The following MAF variants were observed in gnomAD, a reference collection of about 807,000 sequenced individuals.
MAF encodes transcription factor Maf.
MAF carries 10 observed loss-of-function variants against 22.0 expected under a neutral mutation model. The observed-to-expected ratio is 0.45, with a 90% CI of 0.28 to 0.77. MAF has a LOEUF of 0.77. Among genes scored for constraint, MAF ranks in the 30% least tolerant of loss-of-function variants. MAF has a pLI of 0.12. For missense variants in MAF, 544 were observed against 548.4 expected (o/e 0.99, Z 0.08); for synonymous variants, 337 against 255.8 (o/e 1.32, Z -3.03).
At chr16:79,517,606 G>A in the MAF span, among the ~76,000 whole-genome samples, 14 of 121,220 alleles carry the variant, frequency 1.2e-4, no homozygotes, top group Non-Finnish European at 9.5e-5. Flanking sequence ...ATGGAGTCTC[G>A]CTCTATTACC....
the MAF span, among the ~76,000 whole-genome samples, chr16:79,214,270 T>C: frequency 1.3e-5 from 2 of 152,216 alleles, no homozygotes; most frequent in Non-Finnish European, 2.9e-5. Context: ...TCTTCACAAC[T>C]TGGCCACAGT....
chr16:79,488,952 C>T, the MAF span, among the ~76,000 whole-genome samples: 1 of 152,304 alleles, frequency 6.6e-6, no homozygotes, highest in African/African-American at 2.4e-5. Context: ...TTTCTACTGC[C>T]CTGTTGGCCT....
chr16:79,519,724 G>A, the MAF span, among the ~76,000 whole-genome samples: 1 of 152,212 alleles, frequency 6.6e-6, no homozygotes, highest in Admixed American at 6.5e-5. Flanking sequence ...TAATTGTACT[G>A]GTTTGCACTT....
the MAF span, among the ~76,000 whole-genome samples, chr16:79,443,385 G>C: frequency 6.6e-6 from 1 of 152,074 alleles, no homozygotes; most frequent in African/African-American, 2.4e-5. Flanking sequence ...ATCACCTCCA[G>C]GCCATATCTG....
chr16:79,307,645 A>G, the MAF span, among the ~76,000 whole-genome samples: 1 of 152,236 alleles, frequency 6.6e-6, no homozygotes, highest in Non-Finnish European at 1.5e-5. Flanking sequence ...TTAAACAGAA[A>G]AAAATATATA....
the MAF span, among the ~76,000 whole-genome samples, chr16:79,376,324 C>A: frequency 6.6e-6 from 1 of 151,878 alleles, no homozygotes; most frequent in African/African-American, 2.4e-5. Flanking sequence ...CTTTGCTTTT[C>A]TTCAATCTTC....
At chr16:79,533,141 A>T in the MAF span, among the ~76,000 whole-genome samples, 1 of 152,218 alleles carries the variant, frequency 6.6e-6, no homozygotes, top group Admixed American at 6.5e-5. Context: ...GTTAGTCTGT[A>T]GCCATGGATC....
At chr16:79,289,077 C>G in the MAF span, among the ~76,000 whole-genome samples, 1 of 152,212 alleles carries the variant, frequency 6.6e-6, no homozygotes, top group East Asian at 1.9e-4. Context: ...CTGCTGAGAT[C>G]TCTAAGTGGT....
chr16:79,212,438 TTAGAGA>T, the MAF span: 1 of 286,452 alleles, frequency 3.5e-6, no homozygotes, highest in Non-Finnish European at 6.6e-6. Flanking sequence ...AAAAAATTCT[TTAGAGA>T]TTATAACAAA....
chr16:79,400,646 T>G, the MAF span, among the ~76,000 whole-genome samples: 2 of 152,230 alleles, frequency 1.3e-5, no homozygotes, highest in Non-Finnish European at 2.9e-5. Context: ...AAGCATCTCC[T>G]GATTGGGATC....
the MAF span, chr16:79,212,115 A>T: frequency 3.9e-6 from 6 of 1,535,202 alleles, no homozygotes; most frequent in African/African-American, 2.7e-5. Context: ...TCTTTCTTTT[A>T]CTGTTATAGA....
At chr16:79,446,829 G>C in the MAF span, among the ~76,000 whole-genome samples, 2 of 151,996 alleles carry the variant, frequency 1.3e-5, no homozygotes, top group African/African-American at 4.8e-5. Flanking sequence ...GATCACTTGA[G>C]CCAAGGAGTT....
At chr16:79,589,469 T>A (rs1913056995), downstream of MAF, among the ~76,000 whole-genome samples, 1 of 151,676 alleles carries the variant, frequency 6.6e-6, no homozygotes, top group African/African-American at 2.4e-5. Context: ...TCTTACTCTG[T>A]CTCTAACCGA....
chr16:79,572,663 C>T, the MAF span, among the ~76,000 whole-genome samples: 1 of 152,176 alleles, frequency 6.6e-6, no homozygotes, highest in Non-Finnish European at 1.5e-5. Context: ...GTTCATTCCT[C>T]TCTTGAGTTT....
the MAF span, among the ~76,000 whole-genome samples, chr16:79,232,658 A>G: frequency 6.6e-6 from 1 of 151,960 alleles, no homozygotes; most frequent in Non-Finnish European, 1.5e-5. Flanking sequence ...AATCAAAATA[A>G]AAATAGTCAA....
chr16:79,359,021 G>C, the MAF span, among the ~76,000 whole-genome samples: 11 of 152,196 alleles, frequency 7.2e-5, no homozygotes, highest in African/African-American at 2.7e-4. Context: ...ATATTTTTCA[G>C]GGAGGCCTGA....
chr16:79,256,490 T>A, the MAF span, among the ~76,000 whole-genome samples: 4 of 152,280 alleles, frequency 2.6e-5, no homozygotes, highest in East Asian at 7.7e-4. Flanking sequence ...TGATTCAGTG[T>A]TCTCTCTGCT....
the MAF span, among the ~76,000 whole-genome samples, chr16:79,332,713 C>T: frequency 6.6e-6 from 1 of 152,210 alleles, no homozygotes; most frequent in African/African-American, 2.4e-5. Context: ...AGTACTATTA[C>T]AAGTCTCCTT....
the MAF span, among the ~76,000 whole-genome samples, chr16:79,244,822 A>G: frequency 6.6e-6 from 1 of 152,112 alleles, no homozygotes; most frequent in African/African-American, 2.4e-5. Flanking sequence ...AAAGTATACT[A>G]CATGGCTACA....
Sources: gnomAD v4.1 joint callset for allele counts (sites outside exome capture counted in the v4.1 genomes callset) on GRCh38, gnomAD v4.1.1 for gene constraint, MANE v1.5 for transcripts, NCBI Gene and HGNC (gene_info 2026-07-23, HGNC 2026-07-21) for gene names.